CACNA2D1: variants seen among roughly 807,000 people sequenced by gnomAD.
The protein encoded by CACNA2D1 is calcium voltage-gated channel auxiliary subunit alpha2delta 1.
CACNA2D1 carries 53 observed loss-of-function variants against 171.5 expected under a neutral mutation model. That is an observed-to-expected ratio of 0.31 (90% CI 0.25 to 0.39). The LOEUF (loss-of-function observed/expected upper bound fraction) is 0.39. Ranked by LOEUF, CACNA2D1 falls within the 10% of genes least tolerant of loss-of-function variation. CACNA2D1 has a pLI of 1.00. For synonymous variants in CACNA2D1, 442 were observed against 443.1 expected (o/e 1.00, Z 0.03); for missense variants, 903 against 1,299.8 (o/e 0.69, Z 4.69).
At chr7:82,081,641 A>G (rs1380812499) in intron 7 of CACNA2D1, among the ~76,000 whole-genome samples, 1 of 152,174 alleles carries the variant, frequency 6.6e-6, no homozygotes, top group Non-Finnish European at 1.5e-5. Context: ...GGTTGCTTCC[A>G]CAGCTAATGT....
chr7:82,215,592 G>C lies in CACNA2D1; in HGVS notation c.295-44983C>G, dbSNP rs114028335. Among the ~76,000 whole-genome samples the C allele has an allele frequency of 4.0e-3, 606 of 152,168 alleles. 5 individuals are homozygous for C. The highest frequency in any genetic ancestry group is 0.014 in the African/African-American group (577 of 41,514). Reference sequence around the variant, plus strand: ...ATAATTAAGCTCTAATGTAGGTCATGTATGAGTTCTTTTATAACTATTTTT... The same window carrying C: ...ATAATTAAGCTCTAATGTAGGTCATCTATGAGTTCTTTTATAACTATTTTT... On this transcript the variant is annotated intron_variant, in intron 3 of 38. Transcript: ENST00000356860.
At chr7:81,975,006 C>T (rs907418806) in intron 24 of CACNA2D1, among the ~76,000 whole-genome samples, 6 of 151,162 alleles carry the variant, frequency 4.0e-5, no homozygotes, top group African/African-American at 1.5e-4. Context: ...ACGTTCTGCA[C>T]ATGTATCCCT....
At chr7:81,956,264 G>A (rs1793329228) in intron 38 of CACNA2D1, among the ~76,000 whole-genome samples, 6 of 151,706 alleles carry the variant, frequency 4.0e-5, no homozygotes, top group Admixed American at 3.9e-4. Context: ...TTGAACCACT[G>A]CACCCAGCCG....
rs1800163766 is a variant in CACNA2D1 at position 82,014,349 on chromosome 7, A to G, written c.1222+52T>C. 8.3e-6 allele frequency: 8 copies of G among 962,206 alleles called. No individual in the cohort carries two copies. The East Asian group carries it at 2.0e-4, about 23-fold the overall frequency. The allele number at this position is 962,206 out of a possible 1,614,324, so 59.6% of individuals were successfully genotyped here. A position where few individuals can be genotyped will look rare whatever the true frequency, so the allele number is the denominator to read the frequency against. On this transcript the variant is annotated intron_variant, in intron 13 of 38. Transcript: ENST00000356860. ...TTTTAAATAAGTACACCTAATAACA[A>G]CTACCAAAATAGTTTTTCTTCTAAT...
At chr7:82,440,058 A>C (rs1386913206) in intron 1 of CACNA2D1, among the ~76,000 whole-genome samples, 1 of 151,878 alleles carries the variant, frequency 6.6e-6, no homozygotes, top group East Asian at 1.9e-4. Context: ...AAAAAAAAAT[A>C]TCCTAAGTAA....
intron 3 of CACNA2D1, among the ~76,000 whole-genome samples, chr7:82,177,647 T>C (rs190092392): frequency 1.3e-5 from 2 of 152,254 alleles, no homozygotes; most frequent in African/African-American, 4.8e-5. Flanking sequence ...ATTGCATATT[T>C]ACTAACAGAA....
At chr7:82,267,511 G>A (rs945144356) in intron 3 of CACNA2D1, among the ~76,000 whole-genome samples, 4 of 152,090 alleles carry the variant, frequency 2.6e-5, no homozygotes, top group African/African-American at 9.7e-5. Flanking sequence ...GTACCTAATT[G>A]TATAATATGG....
At chr7:82,215,398 C>T (rs1800993694) in intron 3 of CACNA2D1, among the ~76,000 whole-genome samples, 1 of 152,158 alleles carries the variant, frequency 6.6e-6, no homozygotes, top group African/African-American at 2.4e-5. Flanking sequence ...GTGCAGTAAA[C>T]AGCAGAACGC....
rs553716378 is a variant in CACNA2D1 at position 82,239,311 on chromosome 7, TA to T, written c.295-68703del. Among the ~76,000 whole-genome samples, 398 of 141,696 alleles carry T rather than the reference TA, an allele frequency of 2.8e-3. 1 individual carries two copies. The highest frequency in any genetic ancestry group is 3.6e-3 in the Middle Eastern group (1 of 274). The allele number at this position is 141,696 out of a possible 152,430, so 93.0% of individuals were successfully genotyped here. ...CGATAAATTTGGTGGTGTACTGTTC[TA>T]AAAAAAAAAAAATCAAGCCTCTATG... On this transcript the variant is annotated intron_variant, in intron 3 of 38. Coordinates refer to ENST00000356860, the MANE Select transcript of CACNA2D1 (RefSeq NM_000722.4).
At chr7:82,197,833 G>A (rs1381938322) in intron 3 of CACNA2D1, among the ~76,000 whole-genome samples, 21 of 151,724 alleles carry the variant, frequency 1.4e-4, no homozygotes, top group Admixed American at 1.3e-3. Context: ...ACACTACCAT[G>A]TGTTTTAATT....
intron 6 of CACNA2D1, among the ~76,000 whole-genome samples, chr7:82,093,683 A>T (rs1811507258): frequency 6.6e-6 from 1 of 152,168 alleles, no homozygotes; most frequent in African/African-American, 2.4e-5. Flanking sequence ...GTGTTCCAGA[A>T]AGCAAACCAC....
chr7:82,120,026 T>C (rs1485778575), intron 5 of CACNA2D1, among the ~76,000 whole-genome samples: 1 of 152,056 alleles, frequency 6.6e-6, no homozygotes, highest in African/African-American at 2.4e-5. Flanking sequence ...CTACAAAAAA[T>C]TTAAAAATGA....
At chr7:82,284,554 A>T (rs1389114537) in intron 3 of CACNA2D1, among the ~76,000 whole-genome samples, 1 of 152,206 alleles carries the variant, frequency 6.6e-6, no homozygotes, top group Non-Finnish European at 1.5e-5. Flanking sequence ...GCACCAGTAC[A>T]TTCAGTGTCT....
chr7:82,196,136 T>C (rs567710098), intron 3 of CACNA2D1, among the ~76,000 whole-genome samples: 1 of 152,174 alleles, frequency 6.6e-6, no homozygotes, highest in South Asian at 2.1e-4. Context: ...TTGCTTTTTA[T>C]TACATAGCTT....
rs1297118715 is a variant in CACNA2D1 at position 82,050,523 on chromosome 7, G to A, written c.879+9905C>T. ...ATGAGGAAGTCCCTGATCTTATACA[G>A]GGGCTTCTGATGGCCCACACTCATC... On this transcript the variant is annotated intron_variant, in intron 10 of 38. Transcript: ENST00000356860. 8.6e-6 allele frequency: 6 copies of A among 700,364 alleles called. No individual in the cohort carries two copies. In the African/African-American group the frequency reaches 1.1e-4, roughly 12 times the overall value. 43.4% of individuals were successfully genotyped at this position (700,364 alleles called of 1,614,324 possible).
In CACNA2D1 at chr7:82,080,723, G is replaced by A. The variant is rs149503013; in HGVS notation, c.658+4046C>T. On this transcript the variant is annotated intron_variant, in intron 7 of 38. Coordinates refer to ENST00000356860, the MANE Select transcript of CACNA2D1 (RefSeq NM_000722.4). ...GACCTAAGGCCATCAGCTACAATCCGTCTCCTGACCAGTTTCACTACGTGG... is the reference window on the plus strand; with the variant it reads ...GACCTAAGGCCATCAGCTACAATCCATCTCCTGACCAGTTTCACTACGTGG... 2.7e-3 allele frequency among the ~76,000 whole-genome samples: 411 copies of A among 152,192 alleles called. 2 individuals carry two copies. The highest frequency in any genetic ancestry group is 9.1e-3 in the African/African-American group (376 of 41,526).
chr7:82,074,154 C>T (rs1808672686), intron 7 of CACNA2D1, among the ~76,000 whole-genome samples: 2 of 152,138 alleles, frequency 1.3e-5, no homozygotes. Context: ...AGCCAGATGC[C>T]ATTAACTAGA....
intron 5 of CACNA2D1, among the ~76,000 whole-genome samples, chr7:82,124,868 A>T (rs1357514654): frequency 1.3e-5 from 2 of 152,190 alleles, no homozygotes; most frequent in Non-Finnish European, 2.9e-5. Context: ...GTAAAATAAA[A>T]GTTACATACT....
chr7:82,348,873 T>C (rs990235812), intron 2 of CACNA2D1, among the ~76,000 whole-genome samples: 1 of 152,108 alleles, frequency 6.6e-6, no homozygotes, highest in African/African-American at 2.4e-5. Context: ...GTGGGGCCCT[T>C]AAAAAGTGAC....
Sources: allele counts gnomAD v4.1 joint callset (sites outside exome capture counted in the v4.1 genomes callset), GRCh38; gene constraint gnomAD v4.1.1; transcripts MANE v1.5; gene names NCBI Gene and HGNC (gene_info 2026-07-23, HGNC 2026-07-21).